The following EXT1 variants were observed in gnomAD, a reference collection of about 807,000 sequenced individuals.
EXT1 encodes exostosin glycosyltransferase 1.
Under a neutral mutation model 82.5 loss-of-function variants are expected in EXT1, and 20 were observed. That is an observed-to-expected ratio of 0.24 (90% CI 0.17 to 0.35). The LOEUF is 0.35. EXT1 is among the 10% of genes least tolerant of loss of function. The pLI, the probability that EXT1 is intolerant of heterozygous loss-of-function variation, is 1.00. For missense variants in EXT1, 757 were observed against 936.5 expected (o/e 0.81, Z 2.50); for synonymous variants, 348 against 350.8 (o/e 0.99, Z 0.09).
chr8:117,886,171 T>A (rs1193080575), intron 1 of EXT1, among the ~76,000 whole-genome samples: 3 of 152,188 alleles, frequency 2.0e-5, no homozygotes, highest in Non-Finnish European at 4.4e-5. Context: ...AATAGCAGTA[T>A]ATATAAAATT....
Position 117,835,557 on chromosome 8 carries a change from C to G in EXT1, c.1057-6G>C, listed in dbSNP as rs759231513. The G allele has an allele frequency of 6.2e-7, 1 of 1,604,208 alleles. No homozygotes were observed. Among genetic ancestry groups the G allele is most frequent in the Non-Finnish European group, 8.5e-7 (1 of 1,172,882 alleles). Reference sequence around the variant, plus strand: ...ATCACAGGGACGCAGGCAGCCTGAGCAAAAAAGGGGACTTCGTGAATGTGA... The same window carrying G: ...ATCACAGGGACGCAGGCAGCCTGAGGAAAAAAGGGGACTTCGTGAATGTGA... On this transcript the variant is annotated splice_region_variant and splice_polypyrimidine_tract_variant and intron_variant, in intron 2 of 10. Transcript: ENST00000378204.
chr8:118,016,157 C>G (rs951835833), intron 1 of EXT1, among the ~76,000 whole-genome samples: 3 of 152,134 alleles, frequency 2.0e-5, no homozygotes, highest in Admixed American at 2.0e-4. Context: ...TTTGGGAAGC[C>G]GAGGTGGGCA....
intron 7 of EXT1, among the ~76,000 whole-genome samples, chr8:117,817,773 G>C (rs1172486278): frequency 6.6e-6 from 1 of 152,146 alleles, no homozygotes; most frequent in African/African-American, 2.4e-5. Context: ...AGAAAAGATT[G>C]GAAGGCTGGC....
intron 1 of EXT1, among the ~76,000 whole-genome samples, chr8:117,972,975 C>G (rs1423997488): frequency 6.6e-6 from 1 of 152,120 alleles, no homozygotes; most frequent in African/African-American, 2.4e-5. Context: ...CACTGCCAAA[C>G]CGTATCAATA....
At chr8:118,042,394 A>G (rs1364155928) in intron 1 of EXT1, among the ~76,000 whole-genome samples, 1 of 152,134 alleles carries the variant, frequency 6.6e-6, no homozygotes, top group Non-Finnish European at 1.5e-5. Context: ...CCTGATTTCA[A>G]GTGATTTTTC....
At chr8:118,060,297 C>T (rs1204066664) in intron 1 of EXT1, among the ~76,000 whole-genome samples, 5 of 152,172 alleles carry the variant, frequency 3.3e-5, no homozygotes, top group African/African-American at 1.2e-4. Flanking sequence ...GATTCTGGCC[C>T]ACAGACGTGT....
At chr8:117,931,382 TA>T (rs1462289390) in intron 1 of EXT1, among the ~76,000 whole-genome samples, 1 of 151,878 alleles carries the variant, frequency 6.6e-6, no homozygotes, top group African/African-American at 2.4e-5. Flanking sequence ...AATAAATAAA[TA>T]AATAACTGAT....
In EXT1 at chr8:117,884,261, G is replaced by T. The variant is rs573238860; in HGVS notation, c.963-47060C>A. Among the ~76,000 whole-genome samples, 76 of 152,300 alleles carry T rather than the reference G, an allele frequency of 5.0e-4. 1 individual carries two copies. The South Asian group carries it at 8.9e-3, about 18-fold the overall frequency. On this transcript the variant is annotated intron_variant, in intron 1 of 10. Transcript: ENST00000378204. ...TCCATCCCAGACAGCAGGAAAACAA[G>T]AAAGAGTCTTCCATTCCCAAAAGCC...
intron 1 of EXT1, among the ~76,000 whole-genome samples, chr8:118,050,940 TAG>T (rs1294552910): frequency 2.0e-5 from 3 of 152,196 alleles, no homozygotes; most frequent in Non-Finnish European, 4.4e-5. Flanking sequence ...CATTTCATTA[TAG>T]GACATAAGTT....
intron 1 of EXT1, among the ~76,000 whole-genome samples, chr8:118,070,901 T>C (rs1385412817): frequency 2.0e-5 from 3 of 152,268 alleles, no homozygotes; most frequent in Middle Eastern, 3.4e-3. Context: ...AATCTAAATA[T>C]AAAACCATAT....
chr8:118,078,552 T>G (rs1018325964), intron 1 of EXT1, among the ~76,000 whole-genome samples: 41 of 150,866 alleles, frequency 2.7e-4, no homozygotes, highest in Admixed American at 9.3e-4. Flanking sequence ...GACCATTTTT[T>G]GGTGGGAAAA....
At chr8:118,022,620 G>A (rs1399407886) in intron 1 of EXT1, among the ~76,000 whole-genome samples, 7 of 150,522 alleles carry the variant, frequency 4.7e-5, no homozygotes, top group African/African-American at 1.7e-4. Flanking sequence ...TTACAGGCAT[G>A]AGCCACCACG....
At chr8:117,914,747 T>C (rs1403917826) in intron 1 of EXT1, among the ~76,000 whole-genome samples, 2 of 152,192 alleles carry the variant, frequency 1.3e-5, no homozygotes, top group African/African-American at 4.8e-5. Flanking sequence ...AAATTTGTGG[T>C]CAGACCGGTT....
At chr8:117,862,906 T>C (rs550837119) in intron 1 of EXT1, among the ~76,000 whole-genome samples, 3 of 141,860 alleles carry the variant, frequency 2.1e-5, no homozygotes, top group South Asian at 2.3e-4. Flanking sequence ...GTGGAAAGCA[T>C]GTATGCAGAG....
At chr8:117,843,830 T>C (rs9656922) in intron 1 of EXT1, among the ~76,000 whole-genome samples, 13,723 of 152,206 alleles carry the variant, frequency 0.09, 795 homozygotes, top group African/African-American at 0.17. Context: ...TTCCAACTCC[T>C]GGATTTCTCA....
chr8:117,911,251 A>C (rs1813641916), intron 1 of EXT1, among the ~76,000 whole-genome samples: 1 of 152,208 alleles, frequency 6.6e-6, no homozygotes, highest in African/African-American at 2.4e-5. Flanking sequence ...TCATAAATAC[A>C]GATAAGCTCC....
chr8:117,969,768 A>G (rs1490800096), intron 1 of EXT1, among the ~76,000 whole-genome samples: 1 of 152,164 alleles, frequency 6.6e-6, no homozygotes, highest in African/African-American at 2.4e-5. Flanking sequence ...TCGCAAGCTT[A>G]TTGAATATTT....
At chr8:117,918,590 A>G (rs1813796681) in intron 1 of EXT1, among the ~76,000 whole-genome samples, 1 of 152,212 alleles carries the variant, frequency 6.6e-6, no homozygotes, top group South Asian at 2.1e-4. Context: ...AGTGTGGCCC[A>G]TAAGTGGCCT....
intron 1 of EXT1, among the ~76,000 whole-genome samples, chr8:118,023,210 G>A (rs1816143081): frequency 1.3e-5 from 2 of 152,094 alleles, no homozygotes; most frequent in South Asian, 2.1e-4. Flanking sequence ...CTGGGAATAA[G>A]GTAAACAAGG....
Sources: gnomAD v4.1 joint callset for allele counts (sites outside exome capture counted in the v4.1 genomes callset) on GRCh38, gnomAD v4.1.1 for gene constraint, MANE v1.5 for transcripts, NCBI Gene and HGNC (gene_info 2026-07-23, HGNC 2026-07-21) for gene names.